MCPH1: variants seen among roughly 807,000 people sequenced by gnomAD.
The protein encoded by MCPH1 is microcephalin 1.
In MCPH1, 104 loss-of-function variants were observed where a neutral mutation model predicts 84.5. The observed-to-expected ratio is 1.23, with a 90% confidence interval of 1.05 to 1.45. MCPH1 has a LOEUF of 1.45. Ranked by LOEUF, MCPH1 falls within the 40% of genes most tolerant of loss-of-function variation. MCPH1 has a pLI of 0.00. For missense variants in MCPH1, 1,498 were observed against 1,005.7 expected (o/e 1.49, Z -6.62); for synonymous variants, 514 against 366.8 (o/e 1.40, Z -4.58).
chr8:6,530,612 C>A (rs1819311714), intron 12 of MCPH1, among the ~76,000 whole-genome samples: 1 of 150,578 alleles, frequency 6.6e-6, no homozygotes, highest in Non-Finnish European at 1.5e-5. Context: ...ACTTTTAAAT[C>A]TTTAGTTTTT....
chr8:6,476,136 C>G (rs1161178060), intron 9 of MCPH1, among the ~76,000 whole-genome samples: 1 of 151,954 alleles, frequency 6.6e-6, no homozygotes, highest in Non-Finnish European at 1.5e-5. Flanking sequence ...AGCTGTAATT[C>G]TAAAATTTCA....
intron 11 of MCPH1, among the ~76,000 whole-genome samples, chr8:6,492,132 G>T (rs1000335317): frequency 4.6e-5 from 7 of 152,182 alleles, no homozygotes; most frequent in Non-Finnish European, 1.0e-4. Context: ...ATCCTCTCCA[G>T]CACCTGTTGT....
chr8:6,415,795 G>C (rs1029280809), intron 3 of MCPH1, among the ~76,000 whole-genome samples: 1 of 152,116 alleles, frequency 6.6e-6, no homozygotes, highest in Admixed American at 6.5e-5. Context: ...TCTTGATTGG[G>C]TTCCTTGCAT....
chr8:6,496,826 T>C (rs1811284704), intron 11 of MCPH1, among the ~76,000 whole-genome samples: 1 of 152,198 alleles, frequency 6.6e-6, no homozygotes, highest in African/African-American at 2.4e-5. Context: ...CATTATTAAA[T>C]GGGGTCATGT....
intron 2 of MCPH1, among the ~76,000 whole-genome samples, chr8:6,414,043 ACACC>A (rs1798902990): frequency 6.6e-6 from 1 of 152,112 alleles, no homozygotes; most frequent in South Asian, 2.1e-4. Context: ...GTGAACCACC[ACACC>A]CAGTTTCCTT....
chr8:6,624,066 T>C (rs1831797175), intron 13 of MCPH1, among the ~76,000 whole-genome samples: 1 of 152,250 alleles, frequency 6.6e-6, no homozygotes, highest in African/African-American at 2.4e-5. Flanking sequence ...TCCTGCGTCC[T>C]TGTGTGGAGT....
intron 13 of MCPH1, chr8:6,624,790 A>C: frequency 1.0e-6 from 1 of 985,168 alleles, no homozygotes; most frequent in Non-Finnish European, 1.2e-6. Context: ...AAACCTACAG[A>C]ACACACAGTC....
In MCPH1 at chr8:6,477,616, C is replaced by G. The variant is rs770163353; in HGVS notation, c.1958C>G (p.Thr653Arg). ...TAGCCAACAAGAACATTAGTCATGA[C>G]AAGCATGCCATCTGAGTAAGTACTT... ...GKKPTRTLVM[T>R]SMPSEKQNVV... The change falls in exon 10 of 14, where the codon ACA becomes AGA. Residue 653 changes from threonine to arginine, a missense_variant. Thr to Arg is a moderately conservative substitution (Grantham distance 71, BLOSUM62 -1). Coordinates refer to ENST00000344683, the MANE Select transcript of MCPH1 (RefSeq NM_024596.5). 6 of 1,613,048 alleles carry G rather than the reference C, an allele frequency of 3.7e-6. No homozygotes were observed. The highest frequency in any genetic ancestry group is 2.2e-5 in the South Asian group (2 of 91,060).
chr8:6,553,808 C>T (rs1035501819), intron 12 of MCPH1, among the ~76,000 whole-genome samples: 2 of 152,102 alleles, frequency 1.3e-5, no homozygotes, highest in African/African-American at 4.8e-5. Flanking sequence ...GTCAGACGGT[C>T]CTTATAAAGT....
intron 12 of MCPH1, among the ~76,000 whole-genome samples, chr8:6,605,298 T>G (rs1829670493): frequency 6.6e-6 from 1 of 152,228 alleles, no homozygotes; most frequent in Admixed American, 6.5e-5. Context: ...CCTCCCTGCC[T>G]GTACTCCTGT....
At chr8:6,576,591 C>T (rs1176949451) in intron 12 of MCPH1, among the ~76,000 whole-genome samples, 1 of 147,340 alleles carries the variant, frequency 6.8e-6, no homozygotes, top group Non-Finnish European at 1.5e-5. Context: ...TCACTGCAAT[C>T]TCCACCTCCC....
intron 10 of MCPH1, among the ~76,000 whole-genome samples, chr8:6,478,647 G>A (rs1808787541): frequency 6.6e-6 from 1 of 152,300 alleles, no homozygotes; most frequent in Non-Finnish European, 1.5e-5. Context: ...AGAGACACTT[G>A]TTACTTACTG....
chr8:6,605,260 C>A (rs1417572807), intron 12 of MCPH1, among the ~76,000 whole-genome samples: 2 of 152,176 alleles, frequency 1.3e-5, no homozygotes, highest in African/African-American at 4.8e-5. Context: ...ATCTGTCCTT[C>A]CTGAGAGCTT....
chr8:6,550,722 T>G lies in MCPH1; in HGVS notation c.2214+50793T>G, dbSNP rs187131502. On this transcript the variant is annotated intron_variant, in intron 12 of 13. Transcript: ENST00000344683. ...TGTAAGAGGCTCTGAAAGGAAGAAA[T>G]TTTATCAGAGTTTTGCGGCCTGTGT... is the stretch of plus-strand genomic sequence containing the variant. Among the ~76,000 whole-genome samples the G allele has an allele frequency of 2.5e-4, 38 of 152,292 alleles. 1 individual carries two copies. Among genetic ancestry groups the G allele is most frequent in the African/African-American group, 8.9e-4 (37 of 41,556 alleles).
chr8:6,577,343 G>C (rs1463461178), intron 12 of MCPH1, among the ~76,000 whole-genome samples: 1 of 152,198 alleles, frequency 6.6e-6, no homozygotes, highest in Non-Finnish European at 1.5e-5. Context: ...GAAGCCACTA[G>C]ATGTATAGGT....
chr8:6,550,367 C>G (rs903079601), intron 12 of MCPH1, among the ~76,000 whole-genome samples: 1 of 152,206 alleles, frequency 6.6e-6, no homozygotes, highest in Non-Finnish European at 1.5e-5. Context: ...CACACACCCC[C>G]GACTGTAGGG....
At chr8:6,593,081 GTTT>G (rs377256909) in intron 12 of MCPH1, among the ~76,000 whole-genome samples, 1 of 121,732 alleles carries the variant, frequency 8.2e-6, no homozygotes, top group African/African-American at 3.1e-5. Context: ...TTAGGGTGTG[GTTT>G]TTTTTTTTTT....
intron 12 of MCPH1, among the ~76,000 whole-genome samples, chr8:6,505,912 A>T (rs1326143171): frequency 2.1e-5 from 2 of 93,556 alleles, no homozygotes; most frequent in Non-Finnish European, 4.0e-5. Context: ...CATATTCTTT[A>T]TATATGTATA....
chr8:6,616,475 G>C (rs1379669030), intron 12 of MCPH1: 1 of 152,262 alleles, frequency 6.6e-6, no homozygotes, highest in Non-Finnish European at 1.5e-5. Flanking sequence ...GATTCGGAGA[G>C]TGTGAGCTAA....
Sources: allele counts gnomAD v4.1 joint callset (sites outside exome capture counted in the v4.1 genomes callset), GRCh38; gene constraint gnomAD v4.1.1; transcripts MANE v1.5; gene names NCBI Gene and HGNC (gene_info 2026-07-23, HGNC 2026-07-21).